NHS: variants seen among roughly 807,000 people sequenced by gnomAD.
The protein encoded by NHS is actin remodeling regulator NHS.
Under a neutral mutation model 72.5 loss-of-function variants are expected in NHS, and 5 were observed. The ratio of observed to expected loss-of-function variants is 0.07; its 90% CI spans 0.04 to 0.14. The LOEUF (loss-of-function observed/expected upper bound fraction) is 0.14. Ranked by LOEUF, NHS falls within the 10% of genes least tolerant of loss-of-function variation. NHS has a pLI of 1.00. For synonymous variants in NHS, 464 were observed against 547.7 expected (o/e 0.85, Z 2.13); for missense variants, 1,072 against 1,355.7 (o/e 0.79, Z 3.29).
In NHS at chrX:17,615,251, C is replaced by CGT. The variant is rs1569294298; in HGVS notation, c.566-72491_566-72490insGT. Among the ~76,000 whole-genome samples the CGT allele has an allele frequency of 3.8e-3, 323 of 85,708 alleles. 5 individuals carry two copies. Among genetic ancestry groups the CGT allele is most frequent in the African/African-American group, 0.014 (299 of 21,456 alleles). 74.4% of individuals were successfully genotyped at this position (85,708 alleles called of 115,157 possible). A position where few individuals can be genotyped will look rare whatever the true frequency, so the allele number is the denominator to read the frequency against. On this transcript the variant is annotated intron_variant, in intron 1 of 8. Coordinates refer to ENST00000676302, the MANE Select transcript of NHS (RefSeq NM_001291867.2). ...ACATATATATACGTATATATATACA[C>CGT]ATATATACACATATATATATATATA...
intron 3 of NHS, among the ~76,000 whole-genome samples, chrX:17,710,846 G>A (rs886771316): frequency 8.9e-6 from 1 of 112,575 alleles, no homozygotes; most frequent in Middle Eastern, 4.6e-3. Flanking sequence ...TTAAAAATTT[G>A]CAGTGATGAG....
chrX:17,693,959 T>A lies in NHS; in HGVS notation c.852+1491T>A, dbSNP rs6633018. ...AAATATTTTCCCATTCATTATAACA[T>A]GTTTTATGGCTAATTAAGTTGGTTT... is the stretch of plus-strand genomic sequence containing the variant. On this transcript the variant is annotated intron_variant, in intron 3 of 8. Coordinates refer to ENST00000676302, the MANE Select transcript of NHS (RefSeq NM_001291867.2). Among the ~76,000 whole-genome samples, 47 of 112,970 alleles carry A rather than the reference T, an allele frequency of 4.2e-4. No homozygotes were observed. In the East Asian group the frequency reaches 6.4e-3, roughly 15 times the overall value.
intron 1 of NHS, among the ~76,000 whole-genome samples, chrX:17,550,097 C>T (rs746758008): frequency 9.0e-6 from 1 of 111,667 alleles, no homozygotes; most frequent in Admixed American, 9.4e-5. Context: ...ATACCCAAAG[C>T]CTTCAAAGAC....
In NHS at chrX:17,732,808, CTCA is replaced by C; in HGVS notation, c.*345_*347del. ...AGCTGCCTATTCAGAAACTAAAGCC[CTCA>C]CTGTCATTATTCTTTAAGAAGATGA... On this transcript the variant is annotated 3_prime_UTR_variant, in exon 9 of 9. Transcript: ENST00000676302. The C allele has an allele frequency of 4.4e-6, 1 of 226,105 alleles. No individual in the cohort carries two copies. Among genetic ancestry groups the C allele is most frequent in the African/African-American group, 2.8e-5 (1 of 35,892 alleles). The allele number at this position is 226,105 out of a possible 1,213,427, so 18.6% of individuals were successfully genotyped here.
intron 1 of NHS, among the ~76,000 whole-genome samples, chrX:17,602,763 TC>T (rs1179746605): frequency 9.1e-6 from 1 of 109,918 alleles, no homozygotes; most frequent in Non-Finnish European, 1.9e-5. Flanking sequence ...TGTTTATGGT[TC>T]TTTTTTTTTA....
intron 1 of NHS, among the ~76,000 whole-genome samples, chrX:17,600,059 G>A (rs918816158): frequency 1.8e-5 from 2 of 111,389 alleles, no homozygotes; most frequent in Non-Finnish European, 3.8e-5. Flanking sequence ...TAAGTCTAGG[G>A]GGCATATCAT....
rs375173275 is a variant in NHS, at chrX:17,727,553, T to G, written c.3447T>G (p.Ser1149=). Reference sequence around the variant, plus strand: ...TTAACCTTAGGTCCATCAACAAGTCTGAAGAAGTTAAGCAAAAAGAAGAAA... The same window carrying G: ...TTAACCTTAGGTCCATCAACAAGTCGGAAGAAGTTAAGCAAAAAGAAGAAA... The part of the protein sequence containing the change: ...KSVNLRSINK[S]EEVKQKEENN... Residue 1149 remains serine, a synonymous_variant, in exon 7 of 9, where the codon TCT becomes TCG. Transcript: ENST00000676302. 8.3e-7 allele frequency: 1 copy of G among 1,210,198 alleles called. No individual in the cohort carries two copies. Among genetic ancestry groups the G allele is most frequent in the African/African-American group, 1.7e-5 (1 of 57,153 alleles).
intron 1 of NHS, among the ~76,000 whole-genome samples, chrX:17,495,780 C>G (rs978870386): frequency 1.8e-5 from 2 of 112,156 alleles, no homozygotes; most frequent in Non-Finnish European, 3.8e-5. Flanking sequence ...GAAACTACTG[C>G]AGATATTTCA....
chrX:17,401,002 C>T (rs747113653), intron 1 of NHS, among the ~76,000 whole-genome samples: 1 of 112,201 alleles, frequency 8.9e-6, no homozygotes, highest in East Asian at 2.8e-4. Flanking sequence ...TACAAAACTA[C>T]AGTAATCAAG....
At chrX:17,708,220 C>G (rs1017569647) in intron 3 of NHS, among the ~76,000 whole-genome samples, 8 of 111,800 alleles carry the variant, frequency 7.2e-5, no homozygotes, top group African/African-American at 2.6e-4. Context: ...ACCTTCAGCT[C>G]CTCCATTCTG....
intron 1 of NHS, among the ~76,000 whole-genome samples, chrX:17,399,739 A>C (rs2064494652): frequency 8.9e-6 from 1 of 112,211 alleles, no homozygotes; most frequent in African/African-American, 3.2e-5. Flanking sequence ...GGATTGTTAC[A>C]GTGAAATAAG....
rs370208884 is a variant in NHS at position 17,732,321 on chromosome X, C to T, written c.4813C>T (p.Arg1605Trp). The T allele has an allele frequency of 5.8e-6, 7 of 1,211,292 alleles. No homozygotes were observed. The highest frequency in any genetic ancestry group is 1.8e-5 in the South Asian group (1 of 56,928). Reference sequence around the variant, plus strand: ...AGCATCAGCAAGGGTTGGACGTTCTCGGGCCCCTCCTGCAGCCAGCAGCAG... The same window carrying T: ...AGCATCAGCAAGGGTTGGACGTTCTTGGGCCCCTCCTGCAGCCAGCAGCAG... ...TSASARVGRS[R>W]APPAASSSRY... The change falls in exon 9 of 9, where the codon CGG becomes TGG. Residue 1605 changes from arginine to tryptophan, a missense_variant. Coordinates refer to ENST00000676302, the MANE Select transcript of NHS (RefSeq NM_001291867.2).
At chrX:17,707,648 G>C (rs966600638) in intron 3 of NHS, among the ~76,000 whole-genome samples, 2 of 111,716 alleles carry the variant, frequency 1.8e-5, no homozygotes, top group Non-Finnish European at 3.8e-5. Context: ...CGGGTCTTAT[G>C]AGAAAGCAGC....
Position 17,726,827 on chromosome X carries a change from C to T in NHS, c.2721C>T (p.Pro907=), listed in dbSNP as rs144363282. 6.6e-6 allele frequency: 8 copies of T among 1,210,234 alleles called. No individual in the cohort carries two copies. The highest frequency in any genetic ancestry group is 6.7e-6 in the Non-Finnish European group (6 of 895,345). ...CTCGAATGGAAAACGCCAATCTTCCCACCAAGCAGGAACCTTCTTGGATAA... is the reference window on the plus strand; with the variant it reads ...CTCGAATGGAAAACGCCAATCTTCCTACCAAGCAGGAACCTTCTTGGATAA... The part of the protein sequence containing the change: ...TPSRMENANL[P]TKQEPSWINQ... Residue 907 remains proline (P), a synonymous_variant, in exon 7 of 9, where the codon CCC becomes CCT. Coordinates refer to ENST00000676302, the MANE Select transcript of NHS (RefSeq NM_001291867.2).
At chrX:17,424,009 C>A (rs1395138693) in intron 1 of NHS, among the ~76,000 whole-genome samples, 1 of 112,201 alleles carries the variant, frequency 8.9e-6, no homozygotes, top group Non-Finnish European at 1.9e-5. Context: ...GGCATGACCT[C>A]TGAAGATCTT....
chrX:17,474,688 G>GA (rs2064906947), intron 1 of NHS, among the ~76,000 whole-genome samples: 1 of 112,074 alleles, frequency 8.9e-6, no homozygotes, highest in Non-Finnish European at 1.9e-5. Context: ...GTTTCCTCTA[G>GA]GTAGGGGGCA....
At chrX:17,499,806 A>G (rs781740153) in intron 1 of NHS, among the ~76,000 whole-genome samples, 59 of 112,001 alleles carry the variant, frequency 5.3e-4, no homozygotes, top group Non-Finnish European at 1.0e-3. Flanking sequence ...GTTGTGAGAC[A>G]CTAGCAGCCA....
At chrX:17,595,846 C>T (rs181163123) in intron 1 of NHS, among the ~76,000 whole-genome samples, 1 of 112,165 alleles carries the variant, frequency 8.9e-6, no homozygotes, top group Admixed American at 9.4e-5. Flanking sequence ...TAAATATTTA[C>T]TTATCATCTA....
intron 1 of NHS, among the ~76,000 whole-genome samples, chrX:17,686,532 C>T (rs904322077): frequency 7.1e-5 from 8 of 112,395 alleles, no homozygotes; most frequent in Non-Finnish European, 1.5e-4. Flanking sequence ...TCTAGGACTG[C>T]CCACCTGGCT....
Sources: allele counts gnomAD v4.1 joint callset (sites outside exome capture counted in the v4.1 genomes callset), GRCh38; gene constraint gnomAD v4.1.1; transcripts MANE v1.5; gene names NCBI Gene and HGNC (gene_info 2026-07-23, HGNC 2026-07-21).